Variants in NAV1 observed in about 807,000 individuals in gnomAD.
NAV1 encodes the protein neuron navigator 1, also known as pore membrane and/or filament interacting like protein 3.
NAV1 carries 18 observed loss-of-function variants against 175.2 expected under a neutral mutation model. The observed-to-expected ratio is 0.10, with a 90% CI of 0.07 to 0.15. NAV1 has a LOEUF of 0.15. NAV1 is among the 10% of genes least tolerant of loss of function. The pLI is 1.00. For missense variants in NAV1, 1,731 were observed against 2,436.6 expected (o/e 0.71, Z 6.10); for synonymous variants, 897 against 978.7 (o/e 0.92, Z 1.56).
chr1:201,611,857 G>C (rs936750575), intron 2 of NAV1, among the ~76,000 whole-genome samples: 1 of 152,194 alleles, frequency 6.6e-6, no homozygotes, highest in Non-Finnish European at 1.5e-5. Context: ...GGGACAGCAA[G>C]GGACAGGGAG....
intron 3 of NAV1, among the ~76,000 whole-genome samples, chr1:201,752,895 T>C (rs1674216810): frequency 6.6e-6 from 1 of 152,172 alleles, no homozygotes; most frequent in Non-Finnish European, 1.5e-5. Context: ...CCCATGAAGC[T>C]TTATTTTTGG....
At chr1:201,775,808 AG>A (rs1219856268) in intron 3 of NAV1, among the ~76,000 whole-genome samples, 2 of 152,244 alleles carry the variant, frequency 1.3e-5, no homozygotes, top group Admixed American at 6.5e-5. Flanking sequence ...CTGTAATCCC[AG>A]CACTTTGGGA....
In NAV1 at chr1:201,796,091, TGTTTTCAC is replaced by T. The variant is rs1677432669; in HGVS notation, c.3517+1515_3517+1522del. 5 of 152,348 alleles carry T rather than the reference TGTTTTCAC, an allele frequency of 3.3e-5. No homozygotes were observed. In the South Asian group the frequency reaches 1.0e-3, roughly 32 times the overall value. 9.4% of individuals were successfully genotyped at this position (152,348 alleles called of 1,614,324 possible). ...ATCAGTTGATAGGTAGGCATTGAGT[TGTTTTCAC>T]TTTTTGCCTATTATGAATAATGCTG... On this transcript the variant is annotated intron_variant, in intron 15 of 29. Transcript: ENST00000367296.
intron 1 of NAV1, among the ~76,000 whole-genome samples, chr1:201,670,317 T>C (rs1171097750): frequency 6.9e-6 from 1 of 144,030 alleles, no homozygotes; most frequent in Non-Finnish European, 1.5e-5. Flanking sequence ...GGAGGCCGAG[T>C]TTGCAGTGAA....
rs191905801 is a variant in NAV1, at chr1:201,592,877, A to G, written c.-33+4228A>G. On this transcript the variant is annotated intron_variant, in intron 2 of 33. Coordinates refer to the NAV1 transcript ENST00000685211. ...CAGACCAGGAGCGAGTCCAGGGAGG[A>G]TTGGGATGCGGTTCGTGGCCCTCTC... 3.1e-3 allele frequency among the ~76,000 whole-genome samples: 469 copies of G among 152,086 alleles called. 1 individual carries two copies. The highest frequency in any genetic ancestry group is 3.5e-3 in the Non-Finnish European group (238 of 67,976).
chr1:201,718,319 G>A lies in NAV1; in HGVS notation c.861-71G>A. On this transcript the variant is annotated intron_variant, in intron 2 of 29. Coordinates refer to ENST00000367296, the Ensembl canonical transcript of NAV1. This position sits in a 1 kb window ranked among gnomAD's most constrained non-coding sequence, Gnocchi z 4.8. ...TGGGTGGAGGGGAGGCATTGCTGGG[G>A]TGCATGTGAGGGGACAGGGCACACG... 7.0e-7 allele frequency: 1 copy of A among 1,419,090 alleles called. No individual in the cohort carries two copies. Among genetic ancestry groups the A allele is most frequent in the Non-Finnish European group, 9.2e-7 (1 of 1,082,882 alleles). 87.9% of individuals were successfully genotyped at this position (1,419,090 alleles called of 1,614,324 possible). A position where few individuals can be genotyped will look rare whatever the true frequency, so the allele number is the denominator to read the frequency against.
At chr1:201,682,098 A>G (rs1337649941) in intron 1 of NAV1, among the ~76,000 whole-genome samples, 7 of 142,832 alleles carry the variant, frequency 4.9e-5, no homozygotes. Flanking sequence ...CCTGGGTGAC[A>G]GAGTGAGACT....
At chr1:201,545,546 C>T (rs1282546078) in intron 1 of NAV1, among the ~76,000 whole-genome samples, 2 of 152,130 alleles carry the variant, frequency 1.3e-5, no homozygotes, top group East Asian at 1.9e-4. Flanking sequence ...GGATTACAGG[C>T]GTGAGCCACT....
chr1:201,708,977 C>A lies in NAV1; in HGVS notation c.758-3840C>A, dbSNP rs532461966. Among the ~76,000 whole-genome samples the A allele has an allele frequency of 7.3e-3, 1,103 of 152,096 alleles. 3 individuals carry two copies. Among genetic ancestry groups the A allele is most frequent in the South Asian group, 0.032 (156 of 4,812 alleles). On this transcript the variant is annotated intron_variant, in intron 1 of 29. Transcript: ENST00000367296. ...CAGCTTGGGCAACATGGCAAAACCC[C>A]GTCTCTACTAAAAATGCAAAAATTA...
chr1:201,609,280 G>A lies in NAV1; in HGVS notation c.-32-13573G>A, dbSNP rs545130049. Among the ~76,000 whole-genome samples, 61 of 152,342 alleles carry A rather than the reference G, an allele frequency of 4.0e-4. 1 individual carries two copies. The South Asian group carries it at 5.0e-3, about 12-fold the overall frequency. ...TGGAGCTGCCTTCACTTGGCAAGAGGTCTGGTCTGCACCTCACAACATAGT... is the reference window on the plus strand; with the variant it reads ...TGGAGCTGCCTTCACTTGGCAAGAGATCTGGTCTGCACCTCACAACATAGT... On this transcript the variant is annotated intron_variant, in intron 2 of 33. Transcript: ENST00000685211.
intron 2 of NAV1, among the ~76,000 whole-genome samples, chr1:201,602,652 T>TTTTTTTTTTTTTTTGG (rs1667552501): frequency 2.1e-5 from 2 of 94,390 alleles, no homozygotes; most frequent in Non-Finnish European, 2.2e-5. Context: ...TTTTTTTTGG[T>TTTTTTTTTTTTTTTGG]TTTTTTTTTT....
At chr1:201,596,675 TCTA>T (rs1667354578) in intron 2 of NAV1, among the ~76,000 whole-genome samples, 1 of 152,184 alleles carries the variant, frequency 6.6e-6, no homozygotes, top group Admixed American at 6.5e-5. Context: ...TTATTGAACA[TCTA>T]CTATATTTAC....
intron 1 of NAV1, among the ~76,000 whole-genome samples, chr1:201,628,604 C>T (rs1668403203): frequency 6.6e-6 from 1 of 152,202 alleles, no homozygotes; most frequent in Non-Finnish European, 1.5e-5. Flanking sequence ...CCTGCCTGCA[C>T]AGCCCTCCCC....
At chr1:201,735,495 A>C (rs1449053962) in intron 3 of NAV1, among the ~76,000 whole-genome samples, 1 of 152,210 alleles carries the variant, frequency 6.6e-6, no homozygotes, top group African/African-American at 2.4e-5. Flanking sequence ...AAAGGAGAGA[A>C]GCGCCCCACA....
chr1:201,781,505 G>A (rs1252027470), intron 5 of NAV1, among the ~76,000 whole-genome samples, 196 bp downstream of exon 9: 2 of 152,170 alleles, frequency 1.3e-5, no homozygotes, highest in Admixed American at 1.3e-4. Context: ...CAAATGTGGA[G>A]GAAATAGAAA....
At chr1:201,553,684 C>A (rs964452398) in intron 1 of NAV1, among the ~76,000 whole-genome samples, 1 of 152,194 alleles carries the variant, frequency 6.6e-6, no homozygotes. Context: ...TGCTCCCACC[C>A]ACTGTCTCCG....
At chr1:201,576,246 G>T (rs1474287369) in intron 1 of NAV1, among the ~76,000 whole-genome samples, 1 of 152,190 alleles carries the variant, frequency 6.6e-6, no homozygotes, top group South Asian at 2.1e-4. Flanking sequence ...AATGTTATAT[G>T]AATGGAATCA....
chr1:201,803,353 T>G (rs1678062465), intron 15 of NAV1, among the ~76,000 whole-genome samples: 1 of 152,226 alleles, frequency 6.6e-6, no homozygotes, highest in Non-Finnish European at 1.5e-5. Context: ...CATGCTAACT[T>G]CTGGTTCTTG....
chr1:201,606,427 C>T (rs1405741128), intron 2 of NAV1, among the ~76,000 whole-genome samples: 1 of 152,216 alleles, frequency 6.6e-6, no homozygotes, highest in Non-Finnish European at 1.5e-5. Context: ...ACTTTCCTCA[C>T]TACTACTGCC....
Sources: allele counts gnomAD v4.1 joint callset (sites outside exome capture counted in the v4.1 genomes callset), GRCh38; gene constraint gnomAD v4.1.1; non-coding constraint Gnocchi (gnomAD v3.1); transcripts MANE v1.5; gene names NCBI Gene and HGNC (gene_info 2026-07-23, HGNC 2026-07-21).